Variants in LRBA observed in about 807,000 individuals in gnomAD.
LRBA encodes lipopolysaccharide-responsive and beige-like anchor protein.
LRBA carries 176 observed loss-of-function variants against 330.0 expected under a neutral mutation model. The ratio of observed to expected loss-of-function variants is 0.53; its 90% CI spans 0.47 to 0.60. The LOEUF (loss-of-function observed/expected upper bound fraction) is 0.60. Among genes scored for constraint, LRBA ranks in the 20% least tolerant of loss-of-function variants. The pLI is 0.00. For missense variants in LRBA, 3,259 were observed against 3,444.8 expected (o/e 0.95, Z 1.35); for synonymous variants, 1,230 against 1,193.0 (o/e 1.03, Z -0.64).
chr4:150,344,527 AC>A (rs1736014992), intron 48 of LRBA, among the ~76,000 whole-genome samples: 1 of 152,168 alleles, frequency 6.6e-6, no homozygotes, highest in Admixed American at 6.5e-5. Flanking sequence ...TATGTCACCA[AC>A]CTTCAGTGGT....
Position 150,900,074 on chromosome 4 carries a change from T to C in LRBA, c.1899A>G (p.Arg633=). The change falls in exon 14 of 57, where the codon CGA becomes CGG. Residue 633 remains arginine, a synonymous_variant. Transcript: ENST00000651943. ...CTAATCCTTTTGGGGTGATACCACT[T>C]CGATCCTGAGGATTCACTGCCCAGT... The part of the protein sequence containing the change: ...YYYWAVNPQD[R]SGITPKGLDG... The C allele has an allele frequency of 6.2e-7, 1 of 1,613,308 alleles. No homozygotes were observed. Among genetic ancestry groups the C allele is most frequent in the Middle Eastern group, 1.7e-4 (1 of 6,060 alleles).
chr4:150,930,185 T>C (rs751183745), intron 2 of LRBA, among the ~76,000 whole-genome samples: 1 of 151,924 alleles, frequency 6.6e-6, no homozygotes, highest in Non-Finnish European at 1.5e-5. Flanking sequence ...CGTGGTGGCA[T>C]GCGCCTGTAA....
In LRBA at chr4:150,348,158, A is replaced by G. The variant is rs145617723; in HGVS notation, c.7362+1834T>C. On this transcript the variant is annotated intron_variant, in intron 48 of 56. Transcript: ENST00000651943. ...GCACAGTAAACTTCCTTAAACAATC[A>G]TTGGTGTGTAAGTGGGGACAGTGGT... Among the ~76,000 whole-genome samples, 73 of 152,294 alleles carry G rather than the reference A, an allele frequency of 4.8e-4. 3 individuals are homozygous for G. Among genetic ancestry groups the G allele is most frequent in the Admixed American group, 4.2e-3 (64 of 15,302 alleles).
At chr4:150,870,129 T>C (rs2126999197) in intron 20 of LRBA, among the ~76,000 whole-genome samples, 1 of 152,356 alleles carries the variant, frequency 6.6e-6, no homozygotes, top group African/African-American at 2.4e-5. Context: ...AAGACTATCT[T>C]CATAAACAAT....
chr4:150,868,741 C>T (rs1319535722), intron 20 of LRBA, among the ~76,000 whole-genome samples: 1 of 151,984 alleles, frequency 6.6e-6, no homozygotes, highest in Non-Finnish European at 1.5e-5. Flanking sequence ...AGTTCGAGAG[C>T]GGCCTGGCCA....
intron 46 of LRBA, among the ~76,000 whole-genome samples, chr4:150,424,383 C>T (rs916339892): frequency 2.0e-5 from 3 of 152,118 alleles, no homozygotes; most frequent in Non-Finnish European, 4.4e-5. Context: ...AAAACATCAC[C>T]AAACTTCTAA....
At position 150,516,215 on chromosome 4, in the gene LRBA, CTCTTTTTTTTT is replaced by C. The variant is rs1411608881; in HGVS notation, c.6331-25191_6331-25181del. On this transcript the variant is annotated intron_variant, in intron 40 of 56. Coordinates refer to ENST00000651943, the MANE Select transcript of LRBA (RefSeq NM_001364905.1). ...GTAATTCAGTCTGACATTTTCTATT[CTCTTTTTTTTT>C]TTTTTTTTTTTTTTTTTGCTAAGTA... Among the ~76,000 whole-genome samples, 46 of 86,674 alleles carry C rather than the reference CTCTTTTTTTTT, an allele frequency of 5.3e-4. 3 individuals carry two copies. Among genetic ancestry groups the C allele is most frequent in the East Asian group, 2.2e-3 (6 of 2,742 alleles). The allele number at this position is 86,674 out of a possible 152,430, so 56.9% of individuals were successfully genotyped here.
chr4:150,511,807 T>C (rs962729464), intron 40 of LRBA, among the ~76,000 whole-genome samples: 6 of 152,230 alleles, frequency 3.9e-5, no homozygotes, highest in African/African-American at 1.4e-4. Flanking sequence ...AACTAGTAAG[T>C]AGTGTAGCCA....
intron 42 of LRBA, among the ~76,000 whole-genome samples, chr4:150,487,356 A>G (rs1758004005): frequency 6.6e-6 from 1 of 151,206 alleles, no homozygotes; most frequent in African/African-American, 2.4e-5. Context: ...TAAACTTTCC[A>G]TAAAAGAGAT....
intron 44 of LRBA, among the ~76,000 whole-genome samples, chr4:150,454,512 A>C (rs1292763766): frequency 6.6e-6 from 1 of 151,958 alleles, no homozygotes; most frequent in Non-Finnish European, 1.5e-5. Flanking sequence ...AAAATAATTT[A>C]CTGAGATAGG....
Position 151,002,963 on chromosome 4 carries a change from G to A in LRBA, c.216+11464C>T, listed in dbSNP as rs190287430. ...CAGGAGGTGGAGGTTGCAGTGAACC[G>A]AGATCGCACTACTGCACTCCAGCCT... On this transcript the variant is annotated intron_variant, in intron 2 of 56. Coordinates refer to ENST00000651943, the MANE Select transcript of LRBA (RefSeq NM_001364905.1). Among the ~76,000 whole-genome samples, 14 of 152,074 alleles carry A rather than the reference G, an allele frequency of 9.2e-5. No individual in the cohort carries two copies. The East Asian group carries it at 2.3e-3, about 25-fold the overall frequency.
At chr4:150,639,831 A>G (rs1447656643) in intron 37 of LRBA, among the ~76,000 whole-genome samples, 522 of 17,656 alleles carry the variant, frequency 0.03, 95 homozygotes, top group Admixed American at 0.13. Context: ...ATATATATAT[A>G]TATATATATA....
intron 53 of LRBA, among the ~76,000 whole-genome samples, chr4:150,302,418 T>C (rs1015090469): frequency 6.6e-5 from 10 of 152,202 alleles, no homozygotes; most frequent in African/African-American, 2.4e-4. Flanking sequence ...GCCTATAATA[T>C]GAAACATAAG....
chr4:150,350,254 T>A, intron 47 of LRBA, 95 bp from the exon 48 acceptor site: 3 of 966,108 alleles, frequency 3.1e-6, no homozygotes, highest in Non-Finnish European at 3.0e-6. Flanking sequence ...ACACTAACTT[T>A]ACTGTGAACA....
chr4:150,472,087 C>T (rs577623669), intron 42 of LRBA, among the ~76,000 whole-genome samples: 1 of 152,056 alleles, frequency 6.6e-6, no homozygotes, highest in South Asian at 2.1e-4. Flanking sequence ...ATATAAAATT[C>T]TATTCACATG....
chr4:150,719,341 G>C (rs927633936), intron 36 of LRBA, among the ~76,000 whole-genome samples: 4 of 151,780 alleles, frequency 2.6e-5, no homozygotes, highest in African/African-American at 9.7e-5. Context: ...TAAAAAAAGT[G>C]CAATCTTAAC....
At chr4:150,844,252 T>C (rs752382572) in intron 27 of LRBA, 45 bp from the exon 28 acceptor site, 20 of 907,226 alleles carry the variant, frequency 2.2e-5, no homozygotes, top group South Asian at 1.8e-4. Flanking sequence ...TATTCATATA[T>C]ACATTACACA....
intron 34 of LRBA, among the ~76,000 whole-genome samples, chr4:150,773,540 G>A (rs954463311): frequency 6.6e-6 from 1 of 152,178 alleles, no homozygotes; most frequent in Admixed American, 6.5e-5. Context: ...AGGCCAAATA[G>A]GCAAGTGAGA....
Position 150,471,682 on chromosome 4 carries a change from T to C in LRBA, c.6609A>G (p.Arg2203=). The change falls in exon 43 of 57, where the codon CGA becomes CGG. Residue 2203 remains arginine, a synonymous_variant. Transcript: ENST00000651943. ...AATTAGATATCTCTCTGTGTTGCCA[T>C]CGCTGGGTCATATTAGAAGCCTTAA... ...QLFKASNMTQ[R]WQHREISNFE... is the part of the protein sequence containing the mutation. 1.9e-6 allele frequency: 3 copies of C among 1,610,314 alleles called. No individual in the cohort carries two copies. Among genetic ancestry groups the C allele is most frequent in the Non-Finnish European group, 2.5e-6 (3 of 1,178,796 alleles).
Sources: gnomAD v4.1 joint callset for allele counts (sites outside exome capture counted in the v4.1 genomes callset) on GRCh38, gnomAD v4.1.1 for gene constraint, MANE v1.5 for transcripts, NCBI Gene and HGNC (gene_info 2026-07-23, HGNC 2026-07-21) for gene names.